Variants in CNTN4 observed in about 807,000 individuals in gnomAD.
The protein encoded by CNTN4 is contactin-4.
A neutral mutation model predicts 122.5 loss-of-function variants in CNTN4; 77 were observed. That is an observed-to-expected ratio of 0.63 (90% confidence interval 0.52 to 0.76). CNTN4 has a LOEUF of 0.76. Ranked by LOEUF, CNTN4 falls within the 30% of genes least tolerant of loss-of-function variation. The pLI is 0.00. For synonymous variants in CNTN4, 512 were observed against 447.0 expected, an observed-to-expected ratio of 1.15 and a Z score of -1.83; for missense variants, 1,256 against 1,259.1, an observed-to-expected ratio of 1.00 and a Z score of 0.04.
intron 2 of CNTN4, among the ~76,000 whole-genome samples, chr3:2,296,889 A>G (rs2042335356): frequency 6.6e-6 from 1 of 152,004 alleles, no homozygotes. Context: ...TCTTCAATGT[A>G]GTATTCTAAA....
At chr3:2,497,530 G>T (rs1456282446) in intron 3 of CNTN4, among the ~76,000 whole-genome samples, 1 of 152,148 alleles carries the variant, frequency 6.6e-6, no homozygotes, top group Non-Finnish European at 1.5e-5. Flanking sequence ...AGACCTAAGC[G>T]ATCTTCAGTA....
intron 2 of CNTN4, among the ~76,000 whole-genome samples, chr3:2,107,551 A>T (rs1190856095): frequency 6.6e-6 from 1 of 152,132 alleles, no homozygotes. Flanking sequence ...GTCACCTCCC[A>T]ATCACCACCC....
chr3:2,412,080 C>G (rs2047244364), intron 3 of CNTN4, among the ~76,000 whole-genome samples: 1 of 152,086 alleles, frequency 6.6e-6, no homozygotes, highest in Admixed American at 6.6e-5. Context: ...AAAGTACGTA[C>G]TGTTTTATGT....
rs141370055 is a variant in CNTN4, at chr3:2,531,029, A to G, written c.-88-40387A>G. Among the ~76,000 whole-genome samples the G allele has an allele frequency of 1.1e-3, 163 of 152,298 alleles. 4 individuals carry two copies. In the East Asian group the frequency reaches 0.029, roughly 27 times the overall value. ...TAGATGACTCATGTGGAAGTATACT[A>G]TCTCTACTAACAGAAGTGACTACAG... On this transcript the variant is annotated intron_variant, in intron 3 of 24. Transcript: ENST00000418658.
chr3:2,193,631 A>G (rs1454053574), intron 2 of CNTN4, among the ~76,000 whole-genome samples: 1 of 152,240 alleles, frequency 6.6e-6, no homozygotes, highest in East Asian at 1.9e-4. Flanking sequence ...ACATTTCTGT[A>G]CAAATATAAT....
chr3:2,224,013 ATCT>A (rs536026499), intron 2 of CNTN4, among the ~76,000 whole-genome samples: 84 of 152,314 alleles, frequency 5.5e-4, no homozygotes, highest in African/African-American at 1.8e-3. Context: ...AATACAGGAT[ATCT>A]TCTTATGCAG....
At chr3:2,236,270 C>T (rs2039678144) in intron 2 of CNTN4, among the ~76,000 whole-genome samples, 2 of 152,164 alleles carry the variant, frequency 1.3e-5, no homozygotes, top group Non-Finnish European at 2.9e-5. Context: ...AGAATCCACT[C>T]TGCTGATTAG....
At chr3:2,122,542 T>C (rs2033869569) in intron 2 of CNTN4, among the ~76,000 whole-genome samples, 2 of 152,224 alleles carry the variant, frequency 1.3e-5, no homozygotes, top group Admixed American at 1.3e-4. Flanking sequence ...TTATGTTCTT[T>C]ACAGACTCTT....
chr3:2,784,211 A>G (rs185974417), intron 6 of CNTN4, among the ~76,000 whole-genome samples: 2 of 152,290 alleles, frequency 1.3e-5, no homozygotes, highest in Admixed American at 6.5e-5. Context: ...GAATGAGTGA[A>G]CGGGGAATGG....
chr3:2,873,023 G>T (rs945426720), intron 8 of CNTN4, among the ~76,000 whole-genome samples: 5 of 152,072 alleles, frequency 3.3e-5, no homozygotes. Context: ...CTTTCACCCA[G>T]TAGGAAAAAG....
chr3:2,739,908 A>T (rs2089360047), intron 5 of CNTN4, among the ~76,000 whole-genome samples: 1 of 152,196 alleles, frequency 6.6e-6, no homozygotes, highest in African/African-American at 2.4e-5. Context: ...TCCTTGATGG[A>T]AAGAACGTTA....
intron 2 of CNTN4, among the ~76,000 whole-genome samples, chr3:2,194,538 CT>C (rs1408642198): frequency 6.6e-6 from 1 of 152,098 alleles, no homozygotes; most frequent in East Asian, 1.9e-4. Context: ...GAATTGTGTC[CT>C]TCCAAAAAAG....
chr3:2,525,119 AGG>A (rs1354558738), intron 3 of CNTN4, among the ~76,000 whole-genome samples: 7 of 152,120 alleles, frequency 4.6e-5, no homozygotes, highest in African/African-American at 1.7e-4. Context: ...CACCTATTAG[AGG>A]GGAGGCTCAT....
In CNTN4 at chr3:2,456,545, A is replaced by G. The variant is rs372350446; in HGVS notation, c.-88-114871A>G. Among the ~76,000 whole-genome samples, 5 of 152,204 alleles carry G rather than the reference A, an allele frequency of 3.3e-5. No individual in the cohort carries two copies. The East Asian group carries it at 7.7e-4, about 24-fold the overall frequency. ...TCTTCCTCACTCCACTTCCAACCCTAGCAAACACCAATCTGCTTTCCGTCT... is the reference window on the plus strand; with the variant it reads ...TCTTCCTCACTCCACTTCCAACCCTGGCAAACACCAATCTGCTTTCCGTCT... On this transcript the variant is annotated intron_variant, in intron 3 of 24. Transcript: ENST00000418658.
chr3:2,408,158 C>T (rs1401708794), intron 3 of CNTN4, among the ~76,000 whole-genome samples: 3 of 152,144 alleles, frequency 2.0e-5, no homozygotes, highest in African/African-American at 4.8e-5. Flanking sequence ...TCTGTACATC[C>T]TAAGAGAGGG....
At chr3:2,368,253 C>T (rs977461855) in intron 3 of CNTN4, among the ~76,000 whole-genome samples, 7 of 151,568 alleles carry the variant, frequency 4.6e-5, no homozygotes, top group African/African-American at 7.3e-5. Flanking sequence ...AGGATGGTCT[C>T]GATCTCCTGA....
At chr3:2,563,755 A>G (rs2079048730) in intron 3 of CNTN4, among the ~76,000 whole-genome samples, 1 of 152,180 alleles carries the variant, frequency 6.6e-6, no homozygotes, top group Non-Finnish European at 1.5e-5. Flanking sequence ...AAGTATCTAT[A>G]TGTCCAAATA....
chr3:2,801,071 G>A (rs1490456970), intron 6 of CNTN4, among the ~76,000 whole-genome samples: 1 of 152,024 alleles, frequency 6.6e-6, no homozygotes, highest in Non-Finnish European at 1.5e-5. Flanking sequence ...TTTTATCATG[G>A]TATTATTTTC....
At chr3:2,707,307 A>C (rs1218006344) in intron 4 of CNTN4, among the ~76,000 whole-genome samples, 2 of 149,732 alleles carry the variant, frequency 1.3e-5, no homozygotes, top group East Asian at 3.9e-4. Flanking sequence ...CCATGTCTCA[A>C]AAAAAAAAAC....
Sources: gnomAD v4.1 joint callset for allele counts (sites outside exome capture counted in the v4.1 genomes callset) on GRCh38, gnomAD v4.1.1 for gene constraint, MANE v1.5 for transcripts, NCBI Gene and HGNC (gene_info 2026-07-23, HGNC 2026-07-21) for gene names.